SPOPL: variants seen among roughly 807,000 people sequenced by gnomAD.
SPOPL encodes speckle-type POZ protein-like.
In SPOPL, 23 loss-of-function variants were observed where a neutral mutation model predicts 53.8. That is an observed-to-expected ratio of 0.43 (90% CI 0.31 to 0.61). The LOEUF (loss-of-function observed/expected upper bound fraction) is 0.61. Ranked by LOEUF, SPOPL falls within the 20% of genes least tolerant of loss-of-function variation. The pLI, the probability that SPOPL is intolerant of heterozygous loss-of-function variation, is 0.12. For synonymous variants in SPOPL, 164 were observed against 149.7 expected (o/e 1.10, Z -0.70); for missense variants, 442 against 466.9 (o/e 0.95, Z 0.49).
intron 1 of SPOPL, among the ~76,000 whole-genome samples, chr2:138,510,148 A>G (rs1684296610): frequency 1.3e-5 from 2 of 152,210 alleles, no homozygotes; most frequent in African/African-American, 2.4e-5. Flanking sequence ...GTTATTTACA[A>G]GTTTTGCAGA....
rs1433878125 is a variant in SPOPL at position 138,572,990 on chromosome 2, T to C, written c.*3910T>C. On this transcript the variant is annotated 3_prime_UTR_variant, in exon 11 of 11. Transcript: ENST00000280098. ...TGCATTCAGTTTTAAAAAATGAAGA[T>C]GTAACTTACCTGAGTCTCATTTTTG... The C allele has an allele frequency of 3.3e-5, 5 of 152,314 alleles. No homozygotes were observed. The highest frequency in any genetic ancestry group is 7.4e-5 in the Non-Finnish European group (5 of 68,022). The allele number at this position is 152,314 out of a possible 1,614,324, so 9.4% of individuals were successfully genotyped here. A position where few individuals can be genotyped will look rare whatever the true frequency, so the allele number is the denominator to read the frequency against.
intron 1 of SPOPL, among the ~76,000 whole-genome samples, chr2:138,513,275 C>G (rs574048064): frequency 6.6e-6 from 1 of 152,138 alleles, no homozygotes; most frequent in Non-Finnish European, 1.5e-5. Flanking sequence ...AAAATTAGGC[C>G]GGGCATAGTG....
At position 138,572,505 on chromosome 2, in the gene SPOPL, C is replaced by G. The variant is rs1339088378; in HGVS notation, c.*3425C>G. 8.5e-5 allele frequency: 13 copies of G among 152,336 alleles called. No individual in the cohort carries two copies. The highest frequency in any genetic ancestry group is 3.1e-4 in the African/African-American group (13 of 41,420). The allele number at this position is 152,336 out of a possible 1,614,324, so 9.4% of individuals were successfully genotyped here. ...TAGAACAGGGATTGTGAAAATCCAG[C>G]TCAACATACTTAAGTATACTTGGCT... On this transcript the variant is annotated 3_prime_UTR_variant, in exon 11 of 11. Coordinates refer to ENST00000280098, the MANE Select transcript of SPOPL (RefSeq NM_001001664.3).
Position 138,550,266 on chromosome 2 carries a change from C to T in SPOPL, c.50C>T (p.Pro17Leu). ...CTACCTGGAGATATGTCTACTGGTC[C>T]CATAGCAGAAAGCTGGTGTTACACA... ...PPLPGDMSTG[P>L]IAESWCYTQV... Residue 17 changes from proline (P) to leucine (L), a missense_variant, in exon 2 of 11, where the codon CCC becomes CTC. Coordinates refer to ENST00000280098, the MANE Select transcript of SPOPL (RefSeq NM_001001664.3). 1 of 1,613,562 alleles carries T rather than the reference C, an allele frequency of 6.2e-7. No homozygotes were observed. The highest frequency in any genetic ancestry group is 8.5e-7 in the Non-Finnish European group (1 of 1,179,648).
intron 8 of SPOPL, 25 bp from the exon 9 acceptor site, chr2:138,564,683 A>G (rs1000489613): frequency 2.5e-6 from 4 of 1,612,754 alleles, no homozygotes; most frequent in Non-Finnish European, 3.4e-6. Context: ...TAAATGTTTA[A>G]TGGTTATGTT....
Position 138,555,805 on chromosome 2 carries a change from A to C in SPOPL, c.480+3124A>C, listed in dbSNP as rs182387349. Among the ~76,000 whole-genome samples the C allele has an allele frequency of 3.2e-4, 49 of 152,284 alleles. 2 individuals carry two copies. Among genetic ancestry groups the C allele is most frequent in the Admixed American group, 2.6e-3 (40 of 15,284 alleles). On this transcript the variant is annotated intron_variant, in intron 5 of 10. Transcript: ENST00000280098. ...TGTTCTCTGAGTTGAGCCAAAAGCA[A>C]ATTTGAAAAAGGGCTGTCAAATGAC...
chr2:138,569,094 C>G lies in SPOPL; in HGVS notation c.*14C>G, dbSNP rs1275595793. 6.2e-7 allele frequency: 1 copy of G among 1,608,352 alleles called. No homozygotes were observed. The highest frequency in any genetic ancestry group is 1.7e-5 in the Admixed American group (1 of 59,292). On this transcript the variant is annotated 3_prime_UTR_variant, in exon 11 of 11. Transcript: ENST00000280098. The stretch of plus-strand genomic sequence containing the variant: ...AAACAGTCCTGAAATCTTCCATGAA[C>G]AGTTGAAAAATGGAATTGACTTTCA...
chr2:138,522,089 G>C (rs1684571502), intron 1 of SPOPL, among the ~76,000 whole-genome samples: 1 of 152,116 alleles, frequency 6.6e-6, no homozygotes, highest in African/African-American at 2.4e-5. Flanking sequence ...TTAACACCCG[G>C]ATTGAAGCCC....
At chr2:138,529,119 G>C (rs1684744226) in intron 1 of SPOPL, among the ~76,000 whole-genome samples, 1 of 152,146 alleles carries the variant, frequency 6.6e-6, no homozygotes, top group African/African-American at 2.4e-5. Flanking sequence ...TTTCAAAATA[G>C]TTCTCTTTGT....
intron 1 of SPOPL, among the ~76,000 whole-genome samples, chr2:138,539,719 T>G (rs1685024447): frequency 6.6e-6 from 1 of 152,202 alleles, no homozygotes; most frequent in Non-Finnish European, 1.5e-5. Flanking sequence ...ACTCTGATGG[T>G]AGTTTCTTTT....
chr2:138,542,254 C>T (rs1685088253), intron 1 of SPOPL, among the ~76,000 whole-genome samples: 1 of 152,138 alleles, frequency 6.6e-6, no homozygotes, highest in Admixed American at 6.5e-5. Context: ...ATTAGGTCTG[C>T]TTGGTGCAGA....
chr2:138,547,311 T>A (rs1363493957), intron 1 of SPOPL, among the ~76,000 whole-genome samples: 1 of 152,228 alleles, frequency 6.6e-6, no homozygotes, highest in East Asian at 1.9e-4. Flanking sequence ...GTATATGAAG[T>A]ATATTTTTAT....
intron 1 of SPOPL, among the ~76,000 whole-genome samples, chr2:138,544,885 C>T (rs1685157716): frequency 6.6e-6 from 1 of 152,196 alleles, no homozygotes; most frequent in South Asian, 2.1e-4. Flanking sequence ...CCACCCCCCA[C>T]CTGTTTTCAA....
At chr2:138,527,364 A>T (rs575423699) in intron 1 of SPOPL, among the ~76,000 whole-genome samples, 2 of 152,138 alleles carry the variant, frequency 1.3e-5, no homozygotes, top group Non-Finnish European at 2.9e-5. Context: ...GACCTCGTCA[A>T]TCTGACCCAC....
intron 5 of SPOPL, among the ~76,000 whole-genome samples, chr2:138,557,141 G>A (rs1178696867): frequency 1.3e-5 from 2 of 151,924 alleles, no homozygotes; most frequent in African/African-American, 4.8e-5. Context: ...GGGCGACAGA[G>A]CAAGACTCCG....
chr2:138,548,548 G>A (rs1469708579), intron 1 of SPOPL, among the ~76,000 whole-genome samples: 32 of 151,596 alleles, frequency 2.1e-4, no homozygotes, highest in Admixed American at 2.1e-3. Context: ...TCATCTTTTG[G>A]ATTTTTCCTA....
chr2:138,567,408 T>C (rs1486324311), intron 10 of SPOPL, among the ~76,000 whole-genome samples: 1 of 148,698 alleles, frequency 6.7e-6, no homozygotes. Context: ...TGTGTGTGTG[T>C]GTGTGTGTGT....
intron 1 of SPOPL, among the ~76,000 whole-genome samples, chr2:138,515,572 T>A (rs1000975897): frequency 9.2e-5 from 14 of 152,242 alleles, no homozygotes; most frequent in African/African-American, 3.1e-4. Context: ...TTTGTCATTT[T>A]GTAGTGAAAA....
chr2:138,529,063 T>C (rs1291109309), intron 1 of SPOPL, among the ~76,000 whole-genome samples: 2 of 152,228 alleles, frequency 1.3e-5, no homozygotes, highest in Non-Finnish European at 2.9e-5. Context: ...ATAGTACAGA[T>C]AAGTTTCTGC....
Sources: gnomAD v4.1 joint callset for allele counts (sites outside exome capture counted in the v4.1 genomes callset) on GRCh38, gnomAD v4.1.1 for gene constraint, MANE v1.5 for transcripts, NCBI Gene and HGNC (gene_info 2026-07-23, HGNC 2026-07-21) for gene names.